The following ITPR1 variants were observed in gnomAD, a reference collection of about 807,000 sequenced individuals.
The protein encoded by ITPR1 is inositol 1,4,5-trisphosphate receptor type 1.
In ITPR1, 96 loss-of-function variants were observed where a neutral mutation model predicts 318.4. The ratio of observed to expected loss-of-function variants is 0.30; its 90% CI spans 0.26 to 0.36. The LOEUF (loss-of-function observed/expected upper bound fraction) is 0.36, where lower values mean the gene tolerates loss of function less well. Among genes scored for constraint, ITPR1 ranks in the 10% least tolerant of loss-of-function variants. The pLI is 1.00. For missense variants in ITPR1, 2,440 were observed against 3,460.2 expected (o/e 0.71, Z 7.40); for synonymous variants, 1,312 against 1,289.9 (o/e 1.02, Z -0.37).
chr3:4,643,403 A>C (rs1172481300), intron 7 of ITPR1, among the ~76,000 whole-genome samples: 1 of 152,176 alleles, frequency 6.6e-6, no homozygotes, highest in Non-Finnish European at 1.5e-5. Context: ...CTTTAAACGA[A>C]TCTGTGTGTG....
intron 12 of ITPR1, among the ~76,000 whole-genome samples, chr3:4,657,192 C>T (rs1575944161): frequency 6.6e-6 from 1 of 152,112 alleles, no homozygotes; most frequent in African/African-American, 2.4e-5. Context: ...CTTTTGGCTG[C>T]GTTGGGGTTG....
chr3:4,534,347 T>C (rs2083670578), intron 4 of ITPR1, among the ~76,000 whole-genome samples: 1 of 152,148 alleles, frequency 6.6e-6, no homozygotes, highest in Non-Finnish European at 1.5e-5. Flanking sequence ...CGGTGGCGGC[T>C]ACTTCTATAT....
chr3:4,653,043 C>T (rs2093631829), intron 11 of ITPR1, among the ~76,000 whole-genome samples: 1 of 152,174 alleles, frequency 6.6e-6, no homozygotes, highest in African/African-American at 2.4e-5. Flanking sequence ...TGCTGAAGGA[C>T]AGGAGGAATT....
Position 4,846,464 on chromosome 3 carries a change from G to A in ITPR1, c.*239G>A. 1 of 336,100 alleles carries A rather than the reference G, an allele frequency of 3.0e-6. No individual in the cohort carries two copies. Among genetic ancestry groups the A allele is most frequent in the East Asian group, 4.7e-5 (1 of 21,390 alleles). 20.8% of individuals were successfully genotyped at this position (336,100 alleles called of 1,614,324 possible). On this transcript the variant is annotated 3_prime_UTR_variant, in exon 62 of 62. Coordinates refer to ENST00000649015, the MANE Select transcript of ITPR1 (RefSeq NM_001378452.1). ...AAAAATATTAAAAATGCCTTTTTTG[G>A]AAGGACTAACAGAAAGCACCTGATT...
chr3:4,791,109 C>G (rs2047526234), intron 52 of ITPR1, among the ~76,000 whole-genome samples: 2 of 152,194 alleles, frequency 1.3e-5, no homozygotes, highest in Non-Finnish European at 2.9e-5. Context: ...TCCTCTCAAA[C>G]AAACACAAAC....
chr3:4,658,423 A>G (rs2093760634), intron 13 of ITPR1, 145 bp downstream of exon 13: 2 of 626,818 alleles, frequency 3.2e-6, no homozygotes, highest in Admixed American at 3.2e-5. Flanking sequence ...ACTGCCCGGT[A>G]TGGCAACTGA....
intron 4 of ITPR1, among the ~76,000 whole-genome samples, chr3:4,559,587 T>G (rs1412425822): frequency 6.6e-6 from 1 of 152,226 alleles, no homozygotes; most frequent in Non-Finnish European, 1.5e-5. Flanking sequence ...CCAGTATTTT[T>G]TAGTCTAATC....
chr3:4,673,790 G>C (rs577225798), intron 21 of ITPR1, among the ~76,000 whole-genome samples: 1 of 152,264 alleles, frequency 6.6e-6, no homozygotes, highest in East Asian at 1.9e-4. Context: ...CACCGTGTTA[G>C]CTAGGACGGT....
At chr3:4,708,937 G>A (rs918926562) in intron 37 of ITPR1, among the ~76,000 whole-genome samples, 2 of 152,170 alleles carry the variant, frequency 1.3e-5, no homozygotes, top group African/African-American at 2.4e-5. Context: ...ATGTCTCCTT[G>A]ATTGCTGAAT....
intron 7 of ITPR1, among the ~76,000 whole-genome samples, chr3:4,643,042 A>G (rs1280893009): frequency 1.3e-5 from 2 of 152,238 alleles, no homozygotes; most frequent in Admixed American, 1.3e-4. Context: ...TAAATTTACA[A>G]GCTTTGGGAA....
chr3:4,534,620 AC>A (rs2083695376), intron 4 of ITPR1, among the ~76,000 whole-genome samples: 1 of 152,182 alleles, frequency 6.6e-6, no homozygotes, highest in African/African-American at 2.4e-5. Flanking sequence ...TATTCCTCTA[AC>A]TGAGATTTAA....
chr3:4,814,608 G>GGGGGT, intron 58 of ITPR1, 46 bp downstream of exon 58: 1 of 1,159,006 alleles, frequency 8.6e-7, no homozygotes, highest in Non-Finnish European at 1.2e-6. Context: ...GGCGGGTGGG[G>GGGGGT]TGGTTGGTGG....
At chr3:4,541,139 A>C (rs2084401059) in intron 4 of ITPR1, among the ~76,000 whole-genome samples, 1 of 152,042 alleles carries the variant, frequency 6.6e-6, no homozygotes, top group Non-Finnish European at 1.5e-5. Flanking sequence ...TTTATATTAA[A>C]ACTTGCATAT....
chr3:4,668,752 C>T (rs1017051597), intron 18 of ITPR1, among the ~76,000 whole-genome samples: 2 of 152,326 alleles, frequency 1.3e-5, no homozygotes. Flanking sequence ...AGGCGTGAGC[C>T]ACCGCGCTCG....
intron 41 of ITPR1, among the ~76,000 whole-genome samples, chr3:4,726,764 A>G (rs2042546700): frequency 6.6e-6 from 1 of 152,226 alleles, no homozygotes. Context: ...TGATGCATGT[A>G]TGAATCATAA....
At chr3:4,790,374 T>C (rs892710139) in intron 52 of ITPR1, among the ~76,000 whole-genome samples, 2 of 152,238 alleles carry the variant, frequency 1.3e-5, no homozygotes, top group African/African-American at 4.8e-5. Flanking sequence ...TATATTATAT[T>C]GTAGCTAATA....
intron 10 of ITPR1, among the ~76,000 whole-genome samples, chr3:4,647,572 A>C (rs1559607413): frequency 6.6e-6 from 1 of 152,214 alleles, no homozygotes. Context: ...AATGTGTGAG[A>C]GTTCTAGTTC....
At chr3:4,671,192 A>T (rs1470854056) in intron 20 of ITPR1, among the ~76,000 whole-genome samples, 2 of 152,170 alleles carry the variant, frequency 1.3e-5, no homozygotes, top group African/African-American at 4.8e-5. Flanking sequence ...GCCCATAGAT[A>T]TGGTGGTAGG....
In ITPR1 at chr3:4,547,893, AT is replaced by A. The variant is rs370083620; in HGVS notation, c.163+26808del. On this transcript the variant is annotated intron_variant, in intron 4 of 61. Coordinates refer to ENST00000649015, the MANE Select transcript of ITPR1 (RefSeq NM_001378452.1). ...GAGGCCTTTGAGTATCATTCAGATTATTTTTTTTTCACTCTGTTAAATTCAA... is the reference window on the plus strand; with the variant it reads ...GAGGCCTTTGAGTATCATTCAGATTATTTTTTTTCACTCTGTTAAATTCAA... Among the ~76,000 whole-genome samples, 1,269 of 151,204 alleles carry A rather than the reference AT, an allele frequency of 8.4e-3. 20 individuals carry two copies. The highest frequency in any genetic ancestry group is 0.028 in the African/African-American group (1,165 of 41,194).
Sources: allele counts gnomAD v4.1 joint callset (sites outside exome capture counted in the v4.1 genomes callset), GRCh38; gene constraint gnomAD v4.1.1; transcripts MANE v1.5; gene names NCBI Gene and HGNC (gene_info 2026-07-23, HGNC 2026-07-21).